Variants in RAB19 observed in about 807,000 individuals in gnomAD.
RAB19 encodes ras-related protein Rab-19.
Under a neutral mutation model 17.3 loss-of-function variants are expected in RAB19, and 21 were observed. The ratio of observed to expected loss-of-function variants is 1.21; its 90% confidence interval spans 0.86 to 1.74. The LOEUF (loss-of-function observed/expected upper bound fraction) is 1.74, where lower values mean the gene tolerates loss of function less well. Ranked by LOEUF, RAB19 falls within the 40% of genes most tolerant of loss-of-function variation. The pLI is 0.00. For missense variants in RAB19, 277 were observed against 286.8 expected, an observed-to-expected ratio of 0.97 and a Z score of 0.25; for synonymous variants, 126 against 110.4, an observed-to-expected ratio of 1.14 and a Z score of -0.88.
intron 3 of RAB19, among the ~76,000 whole-genome samples, chr7:140,412,974 A>T (rs1212432458): frequency 1.3e-5 from 2 of 151,938 alleles, no homozygotes; most frequent in East Asian, 3.9e-4. Context: ...AAAATAAAAA[A>T]AATTAGCTGA....
intron 2 of RAB19, among the ~76,000 whole-genome samples, chr7:140,408,539 A>G (rs1037639547): frequency 3.9e-5 from 6 of 151,960 alleles, no homozygotes; most frequent in African/African-American, 1.4e-4. Context: ...GCAGGAGCAC[A>G]GTTTCAGCTC....
At chr7:140,411,492 T>A (rs1273458762) in intron 2 of RAB19, among the ~76,000 whole-genome samples, 4 of 151,712 alleles carry the variant, frequency 2.6e-5, no homozygotes, top group Non-Finnish European at 4.4e-5. Context: ...AGAAGAATTG[T>A]CTTGGGCCAC....
chr7:140,424,160 T>G (rs1012080223), intron 3 of RAB19, among the ~76,000 whole-genome samples: 1 of 71,926 alleles, frequency 1.4e-5, no homozygotes, highest in African/African-American at 4.7e-5. Flanking sequence ...TGGCTGATAA[T>G]TTTTTTTTTT....
At position 140,407,857 on chromosome 7, in the gene RAB19, C is replaced by A; in HGVS notation, c.201+10C>A. The A allele has an allele frequency of 6.6e-7, 1 of 1,518,236 alleles. No individual in the cohort carries two copies. 94.0% of individuals were successfully genotyped at this position (1,518,236 alleles called of 1,614,324 possible). A position where few individuals can be genotyped will look rare whatever the true frequency, so the allele number is the denominator to read the frequency against. ...CGGCAAAAAAGTGAAGGTCAGAGGG[C>A]ACCGGGACGGGACTGGTTCCACCTT... On this transcript the variant is annotated intron_variant, in intron 2 of 3. Transcript: ENST00000537763.
At chr7:140,413,124 C>T (rs1473783403) in intron 3 of RAB19, among the ~76,000 whole-genome samples, 2 of 152,078 alleles carry the variant, frequency 1.3e-5, no homozygotes, top group African/African-American at 4.8e-5. Flanking sequence ...CCCAGCACCA[C>T]TTATTGAAGA....
At chr7:140,422,016 T>C (rs1277823062) in intron 3 of RAB19, among the ~76,000 whole-genome samples, 1 of 152,214 alleles carries the variant, frequency 6.6e-6, no homozygotes, top group East Asian at 1.9e-4. Flanking sequence ...CTGTAATTGA[T>C]TTTTTGTGTA....
intron 3 of RAB19, among the ~76,000 whole-genome samples, chr7:140,421,237 G>A (rs1353581123): frequency 6.6e-6 from 1 of 152,040 alleles, no homozygotes; most frequent in African/African-American, 2.4e-5. Flanking sequence ...TGTCACCCAG[G>A]CTGGAGTGCA....
In RAB19 at chr7:140,405,530, A is replaced by G. The variant is rs569033880; in HGVS notation, c.-24+1313A>G. Among the ~76,000 whole-genome samples the G allele has an allele frequency of 1.2e-4, 16 of 136,692 alleles. 1 individual carries two copies. The South Asian group carries it at 3.8e-3, about 32-fold the overall frequency. The allele number at this position is 136,692 out of a possible 152,430, so 89.7% of individuals were successfully genotyped here. ...AGCCACTGCCCCTGGCCTATTTCTT[A>G]TTATTTTAATAGAGATGGGCGGGGA... On this transcript the variant is annotated intron_variant, in intron 1 of 3. Transcript: ENST00000537763.
chr7:140,426,502 A>T lies in RAB19; in HGVS notation c.*352A>T, dbSNP rs1799674428. 6.6e-6 allele frequency among the ~76,000 whole-genome samples: 1 copy of T among 152,170 alleles called. No homozygotes were observed. Among genetic ancestry groups the T allele is most frequent in the South Asian group, 2.1e-4 (1 of 4,826 alleles). On this transcript the variant is annotated 3_prime_UTR_variant, in exon 4 of 4. Transcript: ENST00000537763. ...ACTGAATTTTGTTTCTTGCTTGAAG[A>T]AGAGGGTAGTGAAGGAAAGGAGGAA... is the stretch of plus-strand genomic sequence containing the variant.
At position 140,412,026 on chromosome 7, in the gene RAB19, T is replaced by A. The variant is rs182029506; in HGVS notation, c.354T>A (p.Tyr118Ter). 1.7e-4 allele frequency: 270 copies of A among 1,613,408 alleles called. 2 individuals carry two copies. In the East Asian group the frequency reaches 4.4e-3, roughly 26 times the overall value. Residue 118 changes from tyrosine (Y) to a stop codon, truncating the protein, a stop_gained, in exon 3 of 4, where the codon TAT (tyrosine) becomes TAA (stop). Transcript: ENST00000537763. LOFTEE classifies it high-confidence loss of function. ...ACTGGATTCATGAGATAGAGAAATA[T>A]GGAGCTGCAAATGTGGTCATTATGC... ...IPHWIHEIEK[Y>*]GAANVVIMLI...
At chr7:140,408,807 GA>G (rs1393893831) in intron 2 of RAB19, among the ~76,000 whole-genome samples, 1 of 152,022 alleles carries the variant, frequency 6.6e-6, no homozygotes, top group African/African-American at 2.4e-5. Context: ...CACTCAGGCT[GA>G]AGTGCAGTGG....
At chr7:140,423,672 C>G (rs556899399) in intron 3 of RAB19, among the ~76,000 whole-genome samples, 1 of 152,020 alleles carries the variant, frequency 6.6e-6, no homozygotes, top group East Asian at 1.9e-4. Flanking sequence ...GGCGGAGGAC[C>G]GGGGGTGGTG....
At chr7:140,411,293 G>A (rs551168073) in intron 2 of RAB19, among the ~76,000 whole-genome samples, 266 of 152,248 alleles carry the variant, frequency 1.7e-3, no homozygotes, top group African/African-American at 6.2e-3. Flanking sequence ...CCAGCCACTC[G>A]GGAGGCTGAG....
intron 1 of RAB19, 51 bp from the exon 2 acceptor site, chr7:140,407,573 C>G (rs1327550588): frequency 7.1e-7 from 1 of 1,414,996 alleles, no homozygotes; most frequent in East Asian, 2.3e-5. Flanking sequence ...TTCGTCTTGT[C>G]TTGTACTGGA....
chr7:140,424,791 T>C (rs1181805935), intron 3 of RAB19, among the ~76,000 whole-genome samples: 1 of 151,142 alleles, frequency 6.6e-6, no homozygotes, highest in Non-Finnish European at 1.5e-5. Context: ...TGGAAAAAAA[T>C]ATCTACAGAG....
Position 140,423,451 on chromosome 7 carries a change from A to C in RAB19, c.386-2431A>C, listed in dbSNP as rs969568456. Reference sequence around the variant, plus strand: ...AGAGACTACATTTCAAAAAAAAAAAAAACACAAATGTTGGTCCATGCATAC... The same window carrying C: ...AGAGACTACATTTCAAAAAAAAAAACAACACAAATGTTGGTCCATGCATAC... On this transcript the variant is annotated intron_variant, in intron 3 of 3. Transcript: ENST00000537763. Among the ~76,000 whole-genome samples, 28 of 152,188 alleles carry C rather than the reference A, an allele frequency of 1.8e-4. 1 individual carries two copies. The East Asian group carries it at 4.0e-3, about 22-fold the overall frequency.
At chr7:140,409,948 A>G (rs565480252) in intron 2 of RAB19, among the ~76,000 whole-genome samples, 11 of 148,202 alleles carry the variant, frequency 7.4e-5, no homozygotes, top group Admixed American at 2.1e-4. Context: ...AGCCGAGATC[A>G]TACCACTGCA....
At chr7:140,408,026 C>T (rs935048545) in intron 2 of RAB19, among the ~76,000 whole-genome samples, 179 bp downstream of exon 2, 15 of 148,820 alleles carry the variant, frequency 1.0e-4, no homozygotes, top group African/African-American at 3.7e-4. Flanking sequence ...TACAGGCGCC[C>T]GCCACCACGC....
chr7:140,410,017 A>G (rs1799323950), intron 2 of RAB19, among the ~76,000 whole-genome samples: 1 of 150,546 alleles, frequency 6.6e-6, no homozygotes, highest in South Asian at 2.1e-4. Flanking sequence ...AAAAAAGATA[A>G]TAAATAAAAA....
Sources: allele counts gnomAD v4.1 joint callset (sites outside exome capture counted in the v4.1 genomes callset), GRCh38; gene constraint gnomAD v4.1.1; transcripts MANE v1.5; gene names NCBI Gene and HGNC (gene_info 2026-07-23, HGNC 2026-07-21).